STAG1: variants seen among roughly 807,000 people sequenced by gnomAD.
STAG1 encodes the protein STAG1 cohesin complex component.
In STAG1, 26 loss-of-function variants were observed where a neutral mutation model predicts 170.9. That is an observed-to-expected ratio of 0.15 (90% CI 0.11 to 0.21). The LOEUF (loss-of-function observed/expected upper bound fraction) is 0.21, where lower values mean the gene tolerates loss of function less well. Ranked by LOEUF, STAG1 falls within the 10% of genes least tolerant of loss-of-function variation. The pLI is 1.00. For missense variants in STAG1, 964 were observed against 1,509.5 expected (o/e 0.64, Z 5.99); for synonymous variants, 514 against 497.7 (o/e 1.03, Z -0.44).
At chr3:136,641,042 A>G (rs575615722) in intron 1 of STAG1, among the ~76,000 whole-genome samples, 1 of 152,348 alleles carries the variant, frequency 6.6e-6, no homozygotes, top group East Asian at 1.9e-4. Flanking sequence ...TATAATTAGG[A>G]AAAACCTCAT....
chr3:136,748,308 C>T (rs997918567), intron 1 of STAG1, among the ~76,000 whole-genome samples: 1 of 151,890 alleles, frequency 6.6e-6, no homozygotes, highest in Non-Finnish European at 1.5e-5. Flanking sequence ...GGCTGAGGCA[C>T]GCGAATCGCC....
rs151195034 is a variant in STAG1, at chr3:136,671,331, T to C, written c.-83-40350A>G. ...CACACACAAAAAATCATACGTGCCATATAGCTTGCATTTTTTTCTCTTCTA... is the reference window on the plus strand; with the variant it reads ...CACACACAAAAAATCATACGTGCCACATAGCTTGCATTTTTTTCTCTTCTA... On this transcript the variant is annotated intron_variant, in intron 1 of 33. Transcript: ENST00000383202. Among the ~76,000 whole-genome samples the C allele has an allele frequency of 4.1e-4, 62 of 152,128 alleles. No homozygotes were observed. In the East Asian group the frequency reaches 0.011, roughly 26 times the overall value.
chr3:136,486,207 G>A (rs1268870601), intron 9 of STAG1, among the ~76,000 whole-genome samples: 1 of 152,192 alleles, frequency 6.6e-6, no homozygotes, highest in African/African-American at 2.4e-5. Context: ...ACATCTGTGA[G>A]ACACTGTTTT....
rs926554788 is a variant in STAG1 at position 136,422,713 on chromosome 3, A to G, written c.1833+55T>C. 8 of 1,524,218 alleles carry G rather than the reference A, an allele frequency of 5.2e-6. 1 individual carries two copies. Among genetic ancestry groups the G allele is most frequent in the Admixed American group, 2.0e-5 (1 of 49,808 alleles). 94.4% of individuals were successfully genotyped at this position (1,524,218 alleles called of 1,614,324 possible). A position where few individuals can be genotyped will look rare whatever the true frequency, so the allele number is the denominator to read the frequency against. On this transcript the variant is annotated intron_variant, in intron 18 of 33. Coordinates refer to ENST00000383202, the MANE Select transcript of STAG1 (RefSeq NM_005862.3). The stretch of plus-strand genomic sequence containing the variant: ...AACAAGTCTATAAGAGTACATGAAA[A>G]TAATTCAGTTAATAAAACTATAACA...
chr3:136,569,444 G>C (rs1253088551), intron 4 of STAG1, among the ~76,000 whole-genome samples: 1 of 150,588 alleles, frequency 6.6e-6, no homozygotes, highest in Non-Finnish European at 1.5e-5. Flanking sequence ...GGAAAATTAG[G>C]GTTCAATAAA....
intron 21 of STAG1, among the ~76,000 whole-genome samples, chr3:136,413,367 T>C (rs1247876367): frequency 6.7e-6 from 1 of 149,822 alleles, no homozygotes; most frequent in Non-Finnish European, 1.5e-5. Context: ...TAGGTGAATT[T>C]TCTGTAACAT....
chr3:136,510,434 C>A (rs1933998550), intron 7 of STAG1, among the ~76,000 whole-genome samples: 1 of 150,318 alleles, frequency 6.7e-6, no homozygotes, highest in Non-Finnish European at 1.5e-5. Flanking sequence ...AAATTGCAGG[C>A]GCCCACCACC....
intron 22 of STAG1, among the ~76,000 whole-genome samples, 164 bp from the exon 23 acceptor site, chr3:136,377,916 C>G (rs1456463286): frequency 6.6e-6 from 1 of 152,174 alleles, no homozygotes; most frequent in African/African-American, 2.4e-5. Flanking sequence ...TCTTAGTTAT[C>G]TGTCCTAATA....
In STAG1 at chr3:136,498,233, T is replaced by TATATATATATACACACACAC; in HGVS notation, c.902+1989_902+1990insGTGTGTGTGTATATATATAT. Among the ~76,000 whole-genome samples the TATATATATATACACACACAC allele has an allele frequency of 8.2e-4, 47 of 57,484 alleles. 4 individuals are homozygous for TATATATATATACACACACAC. Among genetic ancestry groups the TATATATATATACACACACAC allele is most frequent in the African/African-American group, 4.3e-3 (42 of 9,666 alleles). 37.7% of individuals were successfully genotyped at this position (57,484 alleles called of 152,430 possible). ...AATTATATATATATATATATATATA[T>TATATATATATACACACACAC]ACACATACATATACATACACACACA... On this transcript the variant is annotated intron_variant, in intron 9 of 33. Coordinates refer to ENST00000383202, the MANE Select transcript of STAG1 (RefSeq NM_005862.3).
chr3:136,402,310 C>T (rs947467290), intron 21 of STAG1, among the ~76,000 whole-genome samples: 3 of 151,652 alleles, frequency 2.0e-5, no homozygotes, highest in South Asian at 2.1e-4. Flanking sequence ...CTCCTCCTCC[C>T]GGGTTCAAGT....
At chr3:136,580,755 G>C (rs1937575035) in intron 4 of STAG1, among the ~76,000 whole-genome samples, 2 of 150,932 alleles carry the variant, frequency 1.3e-5, no homozygotes, top group Admixed American at 6.6e-5. Context: ...GGATGGTCTC[G>C]ATCTCCTGAC....
chr3:136,625,504 T>G (rs550588087), intron 2 of STAG1, among the ~76,000 whole-genome samples: 2 of 152,246 alleles, frequency 1.3e-5, no homozygotes, highest in Non-Finnish European at 2.9e-5. Flanking sequence ...TACCTCTGAC[T>G]TTCTACTCAC....
chr3:136,587,316 G>A (rs1010000772), intron 4 of STAG1, among the ~76,000 whole-genome samples: 1 of 152,116 alleles, frequency 6.6e-6, no homozygotes, highest in East Asian at 1.9e-4. Flanking sequence ...GAGGCAGGTG[G>A]ATCACTTGAG....
chr3:136,478,688 C>T (rs978985944), intron 9 of STAG1, among the ~76,000 whole-genome samples: 2 of 152,128 alleles, frequency 1.3e-5, no homozygotes, highest in Non-Finnish European at 2.9e-5. Context: ...TCTCTAGGCT[C>T]CTGTCATTGC....
At chr3:136,650,011 C>A (rs1263838106) in intron 1 of STAG1, among the ~76,000 whole-genome samples, 1 of 151,818 alleles carries the variant, frequency 6.6e-6, no homozygotes, top group Non-Finnish European at 1.5e-5. Flanking sequence ...TCGTGATCCA[C>A]CCACCTAGGC....
chr3:136,506,227 T>C (rs917206975), intron 7 of STAG1, among the ~76,000 whole-genome samples: 1 of 152,158 alleles, frequency 6.6e-6, no homozygotes, highest in Non-Finnish European at 1.5e-5. Context: ...GCTCAAAGTT[T>C]GCAATAATGA....
At chr3:136,674,154 A>AGAGGGAGAGAGGGAGGGAGGGAGG (rs1184220677) in intron 1 of STAG1, among the ~76,000 whole-genome samples, 15 of 13,116 alleles carry the variant, frequency 1.1e-3, no homozygotes, top group Non-Finnish European at 1.8e-3. Flanking sequence ...AGGGAGGGAG[A>AGAGGGAGAGAGGGAGGGAGGGAGG]GAGGGAGGGA....
chr3:136,427,754 T>C lies in STAG1; in HGVS notation c.1651-4710A>G, dbSNP rs1241263941. 3.3e-5 allele frequency among the ~76,000 whole-genome samples: 5 copies of C among 152,104 alleles called. No individual in the cohort carries two copies. The East Asian group carries it at 9.6e-4, about 29-fold the overall frequency. ...TGCAAAATACCTTTTTATTTCACAT[T>C]AGAAGTACAGCTTATATATGGGTGC... On this transcript the variant is annotated intron_variant, in intron 16 of 33. Coordinates refer to ENST00000383202, the MANE Select transcript of STAG1 (RefSeq NM_005862.3).
chr3:136,524,506 G>A (rs1352684845), intron 6 of STAG1, among the ~76,000 whole-genome samples: 1 of 152,158 alleles, frequency 6.6e-6, no homozygotes, highest in African/African-American at 2.4e-5. Flanking sequence ...CTGAGACAAT[G>A]GGGTTTTCTA....
Sources: allele counts gnomAD v4.1 joint callset (sites outside exome capture counted in the v4.1 genomes callset), GRCh38; gene constraint gnomAD v4.1.1; transcripts MANE v1.5; gene names NCBI Gene and HGNC (gene_info 2026-07-23, HGNC 2026-07-21).